The following ENTREP2 variants were observed in gnomAD, a reference collection of about 807,000 sequenced individuals.
The protein encoded by ENTREP2 is protein ENTREP2.
the ENTREP2 span, among the ~76,000 whole-genome samples, chr15:29,666,615 G>A: frequency 1.2e-4 from 18 of 152,240 alleles, no homozygotes; most frequent in Admixed American, 6.5e-4. Context: ...AGTCCTCACC[G>A]TGCCTGCACC....
At chr15:29,606,383 C>T in the ENTREP2 span, among the ~76,000 whole-genome samples, 10 of 151,708 alleles carry the variant, frequency 6.6e-5, no homozygotes, top group South Asian at 2.1e-4. Context: ...TACAAGCGCG[C>T]GCCACCACAC....
the ENTREP2 span, among the ~76,000 whole-genome samples, chr15:29,605,847 T>A: frequency 6.6e-6 from 1 of 151,752 alleles, no homozygotes; most frequent in African/African-American, 2.4e-5. Flanking sequence ...AAGAAAAAAA[T>A]AAAATATGGA....
At chr15:29,582,802 C>G in the ENTREP2 span, among the ~76,000 whole-genome samples, 1 of 152,066 alleles carries the variant, frequency 6.6e-6, no homozygotes. Context: ...CAGGCAGGCG[C>G]CACCACGCCT....
the ENTREP2 span, among the ~76,000 whole-genome samples, chr15:29,601,600 A>G: frequency 6.6e-6 from 1 of 152,124 alleles, no homozygotes; most frequent in African/African-American, 2.4e-5. Flanking sequence ...ATGATCAGCT[A>G]TGTCTTCCAT....
At chr15:29,244,543 G>C in the ENTREP2 span, among the ~76,000 whole-genome samples, 1 of 152,250 alleles carries the variant, frequency 6.6e-6, no homozygotes, top group African/African-American at 2.4e-5. Context: ...GGACACTGCA[G>C]CGTTGAGATG....
chr15:29,226,272 C>G, the ENTREP2 span, among the ~76,000 whole-genome samples: 1 of 152,126 alleles, frequency 6.6e-6, no homozygotes, highest in Non-Finnish European at 1.5e-5. Context: ...GTTTACTTTG[C>G]TAGGAAAGTT....
At chr15:29,310,184 C>T in the ENTREP2 span, among the ~76,000 whole-genome samples, 1 of 152,156 alleles carries the variant, frequency 6.6e-6, no homozygotes, top group African/African-American at 2.4e-5. Context: ...CATGTCCTCC[C>T]CAGCCCTCAC....
chr15:29,126,622 T>C, the ENTREP2 span: 10 of 728,736 alleles, frequency 1.4e-5, no homozygotes, highest in African/African-American at 3.6e-5. Context: ...TGGATAAGAT[T>C]GACAAATGCT....
At chr15:29,365,250 C>CTTTTTTTTTTTTTT in the ENTREP2 span, among the ~76,000 whole-genome samples, 1 of 142,014 alleles carries the variant, frequency 7.0e-6, no homozygotes, top group Non-Finnish European at 1.5e-5. Flanking sequence ...TAGCTCATTT[C>CTTTTTTTTTTTTTT]TTTTTTTTTT....
chr15:29,664,771 A>G, the ENTREP2 span, among the ~76,000 whole-genome samples: 1 of 152,120 alleles, frequency 6.6e-6, no homozygotes, highest in African/African-American at 2.4e-5. Flanking sequence ...GTCTTTTGAT[A>G]CTTATCTGGC....
the ENTREP2 span, among the ~76,000 whole-genome samples, chr15:29,577,858 C>A: frequency 1.3e-5 from 2 of 152,042 alleles, no homozygotes; most frequent in African/African-American, 2.4e-5. Flanking sequence ...TCAGATCCAC[C>A]TTATGAAGTA....
the ENTREP2 span, among the ~76,000 whole-genome samples, chr15:29,457,305 T>C: frequency 7.2e-5 from 11 of 152,226 alleles, no homozygotes; most frequent in African/African-American, 2.7e-4. Context: ...ATGACGTCTT[T>C]GCTTATTTTC....
At chr15:29,188,088 A>G in the ENTREP2 span, among the ~76,000 whole-genome samples, 286 of 152,276 alleles carry the variant, frequency 1.9e-3, 2 homozygotes, top group South Asian at 5.2e-3. Flanking sequence ...GACAGCACTC[A>G]CCATGGGGCT....
the ENTREP2 span, among the ~76,000 whole-genome samples, chr15:29,339,778 A>G: frequency 6.6e-6 from 1 of 152,228 alleles, no homozygotes; most frequent in Non-Finnish European, 1.5e-5. Context: ...TCATTAACAT[A>G]TGAAAACATT....
At chr15:29,318,270 G>A in the ENTREP2 span, among the ~76,000 whole-genome samples, 1 of 152,032 alleles carries the variant, frequency 6.6e-6, no homozygotes, top group Non-Finnish European at 1.5e-5. Flanking sequence ...TCTCTCTGTC[G>A]GTATATTTTA....
At chr15:29,228,787 A>G in the ENTREP2 span, among the ~76,000 whole-genome samples, 4 of 152,204 alleles carry the variant, frequency 2.6e-5, no homozygotes, top group Admixed American at 2.6e-4. Flanking sequence ...AAATGTACAA[A>G]AATATTGTAA....
chr15:29,217,713 C>T, the ENTREP2 span, among the ~76,000 whole-genome samples: 10 of 150,848 alleles, frequency 6.6e-5, no homozygotes, highest in African/African-American at 2.5e-4. Flanking sequence ...TCTGGTGCCT[C>T]CCTGATTTGT....
the ENTREP2 span, among the ~76,000 whole-genome samples, chr15:29,587,529 C>T: frequency 6.6e-6 from 1 of 152,144 alleles, no homozygotes; most frequent in Non-Finnish European, 1.5e-5. Context: ...TGTTTTAAAA[C>T]TCACTGGTTG....
the ENTREP2 span, among the ~76,000 whole-genome samples, chr15:29,501,072 T>C: frequency 0.014 from 2,062 of 152,164 alleles, 39 homozygotes; most frequent in African/African-American, 0.047. Context: ...AAAAAATCTT[T>C]CAATGAGGAA....
Sources: allele counts gnomAD v4.1 joint callset (sites outside exome capture counted in the v4.1 genomes callset), GRCh38; gene constraint gnomAD v4.1.1; transcripts MANE v1.5; gene names NCBI Gene and HGNC (gene_info 2026-07-23, HGNC 2026-07-21).